The following DIP2C variants were observed in gnomAD, a reference collection of about 807,000 sequenced individuals.
The protein encoded by DIP2C is disco-interacting protein 2 homolog C.
A neutral mutation model predicts 192.4 loss-of-function variants in DIP2C; 33 were observed. The ratio of observed to expected loss-of-function variants is 0.17; its 90% CI spans 0.13 to 0.23. The LOEUF is 0.23. DIP2C is among the 10% of genes least tolerant of loss of function. The pLI, the probability that DIP2C is intolerant of heterozygous loss-of-function variation, is 1.00. For synonymous variants in DIP2C, 979 were observed against 864.1 expected (o/e 1.13, Z -2.33); for missense variants, 1,537 against 2,110.1 (o/e 0.73, Z 5.32).
intron 31 of DIP2C, among the ~76,000 whole-genome samples, chr10:310,445 G>GA: frequency 6.6e-6 from 1 of 152,370 alleles, no homozygotes; most frequent in South Asian, 2.1e-4. Flanking sequence ...TCTGTGCGGA[G>GA]AAATTTTTAC....
chr10:539,108 C>A (rs982287225), intron 1 of DIP2C, among the ~76,000 whole-genome samples: 3 of 152,146 alleles, frequency 2.0e-5, no homozygotes, highest in Admixed American at 2.0e-4. Context: ...ACCTCAGTTG[C>A]GAGTTGTCTG....
intron 1 of DIP2C, among the ~76,000 whole-genome samples, chr10:606,434 G>A (rs189045956): frequency 1.1e-4 from 16 of 152,000 alleles, no homozygotes; most frequent in African/African-American, 3.6e-4. Flanking sequence ...ATTCTCATTG[G>A]TTGGGAAGGG....
At chr10:281,650 C>T (rs1015218637) in intron 35 of DIP2C, among the ~76,000 whole-genome samples, 6 of 152,222 alleles carry the variant, frequency 3.9e-5, no homozygotes, top group South Asian at 2.1e-4. Flanking sequence ...GGGGCGAAGT[C>T]GGCACCCAGC....
intron 1 of DIP2C, among the ~76,000 whole-genome samples, chr10:513,005 C>T (rs922912402): frequency 2.6e-5 from 4 of 151,324 alleles, no homozygotes; most frequent in African/African-American, 4.9e-5. Flanking sequence ...ATACATCTCA[C>T]GCACACATCT....
At chr10:642,554 C>A (rs1278146773) in intron 1 of DIP2C, among the ~76,000 whole-genome samples, 1 of 152,262 alleles carries the variant, frequency 6.6e-6, no homozygotes, top group Admixed American at 6.5e-5. Flanking sequence ...TTGGCCAACA[C>A]AACTAGTGAT....
At chr10:375,973 C>T (rs981638338) in intron 17 of DIP2C, among the ~76,000 whole-genome samples, 6 of 152,332 alleles carry the variant, frequency 3.9e-5, no homozygotes, top group Middle Eastern at 3.4e-3. Flanking sequence ...GGCCCCTCCT[C>T]CCCAGCAATC....
intron 1 of DIP2C, among the ~76,000 whole-genome samples, chr10:496,504 T>C (rs1388638902): frequency 1.3e-5 from 2 of 149,508 alleles, no homozygotes; most frequent in Non-Finnish European, 3.0e-5. Context: ...TGCCCTCCCG[T>C]GTACTTAAAA....
At chr10:517,888 G>A (rs1160388979) in intron 1 of DIP2C, among the ~76,000 whole-genome samples, 1 of 152,010 alleles carries the variant, frequency 6.6e-6, no homozygotes, top group Non-Finnish European at 1.5e-5. Flanking sequence ...TCAAATGGAA[G>A]CCTAGGATCC....
At chr10:409,469 A>G (rs1965038309) in intron 8 of DIP2C, among the ~76,000 whole-genome samples, 1 of 152,200 alleles carries the variant, frequency 6.6e-6, no homozygotes, top group African/African-American at 2.4e-5. Flanking sequence ...GAGGAGTAAA[A>G]GCAATGACTC....
At chr10:589,694 G>C (rs1245306442) in intron 1 of DIP2C, among the ~76,000 whole-genome samples, 2 of 152,138 alleles carry the variant, frequency 1.3e-5, no homozygotes, top group Non-Finnish European at 2.9e-5. Flanking sequence ...TGTGAAAAAA[G>C]TAATTCTGTC....
intron 1 of DIP2C, chr10:650,932 C>G (rs1267148470): frequency 1.4e-6 from 1 of 716,390 alleles, no homozygotes; most frequent in Admixed American, 2.0e-5. Flanking sequence ...TGCAGGACCC[C>G]GAGGCTACAC....
chr10:397,654 C>T (rs1471810351), intron 10 of DIP2C, among the ~76,000 whole-genome samples: 1 of 152,248 alleles, frequency 6.6e-6, no homozygotes, highest in Non-Finnish European at 1.5e-5. Context: ...CACGACTGGC[C>T]GCCTACAGGG....
At chr10:684,588 G>A (rs1359901278) in intron 1 of DIP2C, among the ~76,000 whole-genome samples, 2 of 152,252 alleles carry the variant, frequency 1.3e-5, no homozygotes, top group South Asian at 4.2e-4. Context: ...TCTTACACAG[G>A]CGTGTGACTT....
intron 8 of DIP2C, among the ~76,000 whole-genome samples, chr10:411,664 T>C (rs1965195753): frequency 1.3e-5 from 2 of 152,158 alleles, no homozygotes; most frequent in African/African-American, 4.8e-5. Flanking sequence ...ACCAAATTAC[T>C]CAGTATTTGA....
At chr10:562,793 T>C (rs1323976325) in intron 1 of DIP2C, among the ~76,000 whole-genome samples, 1 of 152,170 alleles carries the variant, frequency 6.6e-6, no homozygotes, top group Non-Finnish European at 1.5e-5. Context: ...ACAGATACAT[T>C]TGGAGAGGAC....
chr10:590,391 C>T (rs772280211), intron 1 of DIP2C, among the ~76,000 whole-genome samples: 1 of 152,232 alleles, frequency 6.6e-6, no homozygotes, highest in Admixed American at 6.5e-5. Flanking sequence ...AAATGACTAA[C>T]GCCCACACTG....
At chr10:504,664 T>C (rs1845462371) in intron 1 of DIP2C, among the ~76,000 whole-genome samples, 1 of 152,222 alleles carries the variant, frequency 6.6e-6, no homozygotes, top group Non-Finnish European at 1.5e-5. Context: ...GATGAGACGC[T>C]TCCCGTGTTC....
intron 1 of DIP2C, among the ~76,000 whole-genome samples, chr10:565,822 G>A (rs777281747): frequency 2.6e-5 from 4 of 152,220 alleles, no homozygotes; most frequent in African/African-American, 4.8e-5. Flanking sequence ...GCCCTTCTCC[G>A]AGGTATGTAA....
At chr10:598,676 G>A (rs1175709116) in intron 1 of DIP2C, among the ~76,000 whole-genome samples, 18 of 152,120 alleles carry the variant, frequency 1.2e-4, no homozygotes, top group Non-Finnish European at 1.3e-4. Context: ...GCAATTAAAG[G>A]CATGAGAGCT....
Sources: allele counts gnomAD v4.1 joint callset (sites outside exome capture counted in the v4.1 genomes callset), GRCh38; gene constraint gnomAD v4.1.1; transcripts MANE v1.5; gene names NCBI Gene and HGNC (gene_info 2026-07-23, HGNC 2026-07-21).